Variants in CFAP52 observed in about 807,000 individuals in gnomAD.
The protein encoded by CFAP52 is cilia and flagella associated protein 52.
A neutral mutation model predicts 70.5 loss-of-function variants in CFAP52; 57 were observed. The ratio of observed to expected loss-of-function variants is 0.81; its 90% CI spans 0.65 to 1.01. The LOEUF is 1.01. Among genes scored for constraint, CFAP52 ranks in the 50% least tolerant of loss-of-function variants. CFAP52 has a pLI of 0.00. For synonymous variants in CFAP52, 267 were observed against 292.5 expected, an observed-to-expected ratio of 0.91 and a Z score of 0.89; for missense variants, 785 against 788.5, an observed-to-expected ratio of 1.00 and a Z score of 0.05.
At chr17:9,608,028 G>A (rs927523937) in intron 6 of CFAP52, 91 bp from the exon 7 acceptor site, 2 of 907,042 alleles carry the variant, frequency 2.2e-6, no homozygotes, top group Non-Finnish European at 3.2e-6. Context: ...ATGTTTTTGG[G>A]GAACAGGTGG....
In CFAP52 at chr17:9,635,427, G is replaced by C; in HGVS notation, c.1343G>C (p.Cys448Ser). Reference protein sequence around the residue: ...EGEVRVWQIGCQTQKLEEALK... With the variant: ...EGEVRVWQIGSQTQKLEEALK... ...CAGGTGAGGGTATGGCAGATAGGCT[G>C]TCAGACCCAGAAGCTGGAGGAGGCC... The change falls in exon 11 of 14, where the codon TGT becomes TCT. Residue 448 changes from cysteine (C) to serine (S), a missense_variant. Transcript: ENST00000352665. The C allele has an allele frequency of 6.2e-7, 1 of 1,614,142 alleles. No individual in the cohort carries two copies. Among genetic ancestry groups the C allele is most frequent in the Non-Finnish European group, 8.5e-7 (1 of 1,180,036 alleles).
At chr17:9,609,526 C>A (rs1349429025) in intron 7 of CFAP52, among the ~76,000 whole-genome samples, 1 of 152,036 alleles carries the variant, frequency 6.6e-6, no homozygotes, top group East Asian at 1.9e-4. Context: ...GAAGCCTCAT[C>A]TCTACAAAAA....
chr17:9,590,583 G>A (rs1457975892), intron 3 of CFAP52: 3 of 152,292 alleles, frequency 2.0e-5, no homozygotes, highest in African/African-American at 7.2e-5. Context: ...TACCTAGGAA[G>A]ATTTAAAAAA....
intron 4 of CFAP52, among the ~76,000 whole-genome samples, chr17:9,595,778 C>T (rs1908970067): frequency 1.3e-5 from 2 of 151,692 alleles, no homozygotes; most frequent in East Asian, 1.9e-4. Flanking sequence ...GCTGGGTTCT[C>T]TAACTTGGTC....
At chr17:9,642,993 C>T (rs757913515) in intron 13 of CFAP52, 30 bp from the exon 14 acceptor site, 18 of 1,531,672 alleles carry the variant, frequency 1.2e-5, no homozygotes, top group Admixed American at 5.9e-5. Flanking sequence ...CCTATTGCAG[C>T]AATGCCATAT....
At chr17:9,641,365 G>C (rs1417265003) in intron 12 of CFAP52, among the ~76,000 whole-genome samples, 1 of 152,188 alleles carries the variant, frequency 6.6e-6, no homozygotes, top group Non-Finnish European at 1.5e-5. Flanking sequence ...TGAGAAGGAA[G>C]AAAATGCTTT....
chr17:9,632,839 A>T, intron 9 of CFAP52, 49 bp from the exon 10 acceptor site: 2 of 1,590,592 alleles, frequency 1.3e-6, no homozygotes, highest in Non-Finnish European at 1.7e-6. Context: ...CTGTGGAGAG[A>T]GGGTGCATAT....
chr17:9,577,325 G>A (rs991828583), intron 1 of CFAP52, among the ~76,000 whole-genome samples: 1 of 152,210 alleles, frequency 6.6e-6, no homozygotes, highest in Admixed American at 6.5e-5. Context: ...TTTCAGACCA[G>A]GACAGAAGGG....
Position 9,576,755 on chromosome 17 carries a change from C to T in CFAP52, c.60C>T (p.Ile20=), listed in dbSNP as rs1469079007. 5.6e-6 allele frequency: 9 copies of T among 1,612,226 alleles called. No homozygotes were observed. The highest frequency in any genetic ancestry group is 1.1e-5 in the South Asian group (1 of 90,698). Residue 20 remains isoleucine (I), a synonymous_variant, in exon 1 of 14, where the codon ATC becomes ATT. Coordinates refer to ENST00000352665, the MANE Select transcript of CFAP52 (RefSeq NM_145054.5). The part of the protein sequence containing the change: ...QVAELELDAV[I]GFNGHVPTGL... ...CGGAGCTGGAACTTGACGCCGTGAT[C>T]GGCTTCAATGGTGAGGCCTCCAGCA...
intron 3 of CFAP52, among the ~76,000 whole-genome samples, chr17:9,593,605 G>A (rs1908862959): frequency 6.6e-6 from 1 of 151,982 alleles, no homozygotes; most frequent in Non-Finnish European, 1.5e-5. Context: ...ACAGGTGTGT[G>A]CCACCACATC....
Position 9,586,582 on chromosome 17 carries a change from AAAAG to A in CFAP52, c.271-108_271-105del, listed in dbSNP as rs1368007074. ...CTCCGTCTCAACAAAAAAAAAAAAAAAAAGAAAGAAAAAAGAAAAGTGACAGTAC... is the reference window on the plus strand; with the variant it reads ...CTCCGTCTCAACAAAAAAAAAAAAAAAAAGAAAAAAGAAAAGTGACAGTAC... On this transcript the variant is annotated intron_variant, in intron 2 of 13. Coordinates refer to ENST00000352665, the MANE Select transcript of CFAP52 (RefSeq NM_145054.5). The A allele has an allele frequency of 2.5e-4, 343 of 1,352,278 alleles. No homozygotes were observed. The African/African-American group carries it at 4.7e-3, about 19-fold the overall frequency. The allele number at this position is 1,352,278 out of a possible 1,614,324, so 83.8% of individuals were successfully genotyped here.
chr17:9,628,762 G>T lies in CFAP52; in HGVS notation c.1116G>T (p.Val372=). The change falls in exon 9 of 14, where the codon GTG becomes GTT. Residue 372 remains valine (V), a synonymous_variant. Transcript: ENST00000352665. ...SSNRELLRIT[V]PNMTCHGIDF... ...ACAGGGAGCTGCTGCGGATCACCGT[G>T]CCCAACATGACCTGCCACGGCATCG... is the stretch of plus-strand genomic sequence containing the variant. The T allele has an allele frequency of 1.2e-6, 2 of 1,614,140 alleles. No homozygotes were observed. The highest frequency in any genetic ancestry group is 3.3e-4 in the Middle Eastern group (2 of 6,062).
At chr17:9,641,953 A>G (rs984971484) in intron 13 of CFAP52, 118 bp downstream of exon 13, 1 of 768,218 alleles carries the variant, frequency 1.3e-6, no homozygotes, top group Non-Finnish European at 2.1e-6. Context: ...CAACTTGGTT[A>G]GAATCAGATT....
chr17:9,577,157 G>T (rs973351308), intron 1 of CFAP52, among the ~76,000 whole-genome samples: 1 of 152,240 alleles, frequency 6.6e-6, no homozygotes. Flanking sequence ...ACAGAAGGAT[G>T]CTGTCTGTGT....
chr17:9,595,942 C>CTA (rs1333281456), intron 4 of CFAP52, among the ~76,000 whole-genome samples: 1 of 149,168 alleles, frequency 6.7e-6, no homozygotes, highest in African/African-American at 2.5e-5. Flanking sequence ...TGAGTACTTA[C>CTA]TATATATATA....
intron 3 of CFAP52, among the ~76,000 whole-genome samples, chr17:9,592,272 G>A (rs868386478): frequency 3.9e-5 from 6 of 152,094 alleles, no homozygotes; most frequent in Non-Finnish European, 8.8e-5. Context: ...AGAACAGCCC[G>A]GCCAACATAG....
chr17:9,635,313 G>T, intron 10 of CFAP52, 92 bp from the exon 11 acceptor site: 1 of 1,540,098 alleles, frequency 6.5e-7, no homozygotes, highest in Admixed American at 1.9e-5. Context: ...CACAAATCAA[G>T]CATAGCAAAG....
intron 6 of CFAP52, among the ~76,000 whole-genome samples, chr17:9,606,815 C>T (rs1455546183): frequency 1.3e-5 from 2 of 152,164 alleles, no homozygotes; most frequent in Non-Finnish European, 2.9e-5. Context: ...TGTTGTCCTG[C>T]TGAGGCACTT....
Position 9,586,740 on chromosome 17 carries a change from G to C in CFAP52, c.313G>C (p.Ala105Pro). 6.2e-7 allele frequency: 1 copy of C among 1,613,764 alleles called. No homozygotes were observed. Among genetic ancestry groups the C allele is most frequent in the Non-Finnish European group, 8.5e-7 (1 of 1,179,918 alleles). The change falls in exon 3 of 14, where the codon GCT becomes CCT. Residue 105 changes from alanine to proline, a missense_variant. Ala to Pro is a conservative substitution (Grantham distance 27). Coordinates refer to ENST00000352665, the MANE Select transcript of CFAP52 (RefSeq NM_145054.5). ...LWDYKNRELL[A>P]RLSLHKGKIE... ...GGATTATAAGAACAGAGAGCTGCTT[G>C]CTCGGCTGTCCCTTCACAAAGGCAA...
Sources: allele counts gnomAD v4.1 joint callset (sites outside exome capture counted in the v4.1 genomes callset), GRCh38; gene constraint gnomAD v4.1.1; transcripts MANE v1.5; gene names NCBI Gene and HGNC (gene_info 2026-07-23, HGNC 2026-07-21).